Variants in MCC observed in about 807,000 individuals in gnomAD.
MCC encodes colorectal mutant cancer protein.
MCC carries 90 observed loss-of-function variants against 116.2 expected under a neutral mutation model. The observed-to-expected ratio is 0.77, with a 90% CI of 0.65 to 0.92. MCC has a LOEUF of 0.92. Ranked by LOEUF, MCC falls within the 40% of genes least tolerant of loss-of-function variation. The pLI is 0.00. For missense variants in MCC, 1,516 were observed against 1,312.2 expected (o/e 1.16, Z -2.40); for synonymous variants, 578 against 510.5 (o/e 1.13, Z -1.78).
intron 17 of MCC, among the ~76,000 whole-genome samples, chr5:113,035,451 C>T (rs1222982969): frequency 1.3e-5 from 2 of 152,240 alleles, no homozygotes; most frequent in African/African-American, 4.8e-5. Context: ...GGTAACATTT[C>T]ACATGACAGA....
intron 3 of MCC, among the ~76,000 whole-genome samples, chr5:113,156,187 G>C (rs1482167060): frequency 2.0e-5 from 3 of 152,196 alleles, no homozygotes; most frequent in Non-Finnish European, 4.4e-5. Flanking sequence ...ATAAACCTCT[G>C]TTATACAAAG....
intron 3 of MCC, among the ~76,000 whole-genome samples, chr5:113,283,524 A>T (rs892514057): frequency 2.0e-5 from 3 of 152,220 alleles, no homozygotes; most frequent in African/African-American, 4.8e-5. Context: ...AAAAATTTTT[A>T]AAAAGAAACG....
chr5:113,036,184 C>A (rs1435249437), intron 17 of MCC, among the ~76,000 whole-genome samples: 1 of 151,924 alleles, frequency 6.6e-6, no homozygotes, highest in Admixed American at 6.6e-5. Context: ...ATTATAGGCA[C>A]CTGTCACCAT....
rs912111123 is a variant in MCC, at chr5:113,085,265, G to C, written c.1444C>G (p.Pro482Ala). The change falls in exon 9 of 19, where the codon CCC becomes GCC. Residue 482 changes from proline (P) to alanine (A), a missense_variant. Pro to Ala is a conservative substitution (Grantham distance 27, BLOSUM62 -1). Coordinates refer to ENST00000408903, the MANE Select transcript of MCC (RefSeq NM_001085377.2). ...TRLQSVQATGPSSPGRLTSTN... is the reference protein window; with the variant it reads ...TRLQSVQATGASSPGRLTSTN... ...GAAGTGAGGCGGCCAGGGCTGGAGG[G>C]ACCTGTGGCCTGCACGCTCTGTAGT... 1 of 1,614,142 alleles carries C rather than the reference G, an allele frequency of 6.2e-7. No homozygotes were observed. Among genetic ancestry groups the C allele is most frequent in the Middle Eastern group, 1.6e-4 (1 of 6,062 alleles).
chr5:113,307,058 T>G (rs1767002817), intron 3 of MCC, among the ~76,000 whole-genome samples: 1 of 152,202 alleles, frequency 6.6e-6, no homozygotes, highest in African/African-American at 2.4e-5. Context: ...TTATTGGAGT[T>G]TCATACAAAG....
chr5:113,445,486 A>G (rs1771183462), intron 1 of MCC, among the ~76,000 whole-genome samples: 2 of 152,180 alleles, frequency 1.3e-5, no homozygotes, highest in African/African-American at 4.8e-5. Flanking sequence ...TCAAGAACAC[A>G]ATCCCATTTA....
chr5:113,315,050 TC>T (rs1767244958), intron 3 of MCC, among the ~76,000 whole-genome samples: 1 of 152,240 alleles, frequency 6.6e-6, no homozygotes, highest in African/African-American at 2.4e-5. Flanking sequence ...TTGCTCTCCA[TC>T]AGTAAATAAG....
chr5:113,312,700 G>A (rs750485731), intron 3 of MCC, among the ~76,000 whole-genome samples: 20 of 152,220 alleles, frequency 1.3e-4, no homozygotes, highest in Non-Finnish European at 2.5e-4. Context: ...TTTTAAGATG[G>A]ATACAAGTTA....
chr5:113,230,333 G>C (rs1763896497), intron 3 of MCC, among the ~76,000 whole-genome samples: 2 of 152,120 alleles, frequency 1.3e-5, no homozygotes, highest in African/African-American at 4.8e-5. Context: ...TACAATTTTA[G>C]ATAACAGAGG....
At chr5:113,302,763 G>A (rs935505714) in intron 3 of MCC, among the ~76,000 whole-genome samples, 1 of 152,144 alleles carries the variant, frequency 6.6e-6, no homozygotes, top group South Asian at 2.1e-4. Flanking sequence ...CATGCTACTC[G>A]CTGTCCAAGT....
rs556382000 is a variant in MCC at position 113,110,469 on chromosome 5, C to A, written c.1028-6114G>T. On this transcript the variant is annotated intron_variant, in intron 6 of 18. Coordinates refer to ENST00000408903, the MANE Select transcript of MCC (RefSeq NM_001085377.2). Reference sequence around the variant, plus strand: ...CAGACGCTAGAAGGATTTAGGTACACGGTACTTCATACGTGGTGTGAAGTG... The same window carrying A: ...CAGACGCTAGAAGGATTTAGGTACAAGGTACTTCATACGTGGTGTGAAGTG... Among the ~76,000 whole-genome samples the A allele has an allele frequency of 2.0e-5, 3 of 152,350 alleles. No homozygotes were observed. In the East Asian group the frequency reaches 5.8e-4, roughly 29 times the overall value.
chr5:113,104,084 A>C, intron 7 of MCC, 108 bp downstream of exon 7: 1 of 1,150,538 alleles, frequency 8.7e-7, no homozygotes, highest in Non-Finnish European at 1.2e-6. Context: ...CTCTCATGGA[A>C]ACATTCATCC....
At chr5:113,420,043 A>T (rs1770282899) in intron 1 of MCC, among the ~76,000 whole-genome samples, 1 of 151,340 alleles carries the variant, frequency 6.6e-6, no homozygotes, top group Admixed American at 6.6e-5. Flanking sequence ...AATAAAAATA[A>T]AAATAAAAAA....
At chr5:113,446,197 T>C (rs1771214384) in intron 1 of MCC, among the ~76,000 whole-genome samples, 1 of 152,088 alleles carries the variant, frequency 6.6e-6, no homozygotes. Flanking sequence ...CCTTGGGAAA[T>C]AATTTACAAC....
intron 1 of MCC, among the ~76,000 whole-genome samples, chr5:113,413,756 T>C (rs1192840824): frequency 6.6e-6 from 1 of 152,224 alleles, no homozygotes; most frequent in East Asian, 1.9e-4. Flanking sequence ...AGGGTTTTTT[T>C]GTGTCTCTAT....
chr5:113,156,770 G>C (rs535993523), intron 3 of MCC, among the ~76,000 whole-genome samples: 1 of 152,192 alleles, frequency 6.6e-6, no homozygotes, highest in Non-Finnish European at 1.5e-5. Context: ...TTTGAGCCCT[G>C]CTTCACATTC....
intron 2 of MCC, among the ~76,000 whole-genome samples, chr5:113,356,317 T>C (rs989634692): frequency 6.7e-6 from 1 of 150,172 alleles, no homozygotes; most frequent in Non-Finnish European, 1.5e-5. Context: ...GAGATATATA[T>C]AGCATTTATA....
chr5:113,045,993 G>A (rs1752046124), intron 16 of MCC, among the ~76,000 whole-genome samples: 1 of 151,918 alleles, frequency 6.6e-6, no homozygotes, highest in African/African-American at 2.4e-5. Flanking sequence ...CCCTTCTCTA[G>A]ATGCTCGCCT....
At chr5:113,152,831 G>A (rs1049677266) in intron 3 of MCC, among the ~76,000 whole-genome samples, 3 of 150,000 alleles carry the variant, frequency 2.0e-5, no homozygotes, top group Admixed American at 2.0e-4. Flanking sequence ...TTGAAATCAG[G>A]AATGCTTAAA....
Sources: gnomAD v4.1 joint callset for allele counts (sites outside exome capture counted in the v4.1 genomes callset) on GRCh38, gnomAD v4.1.1 for gene constraint, MANE v1.5 for transcripts, NCBI Gene and HGNC (gene_info 2026-07-23, HGNC 2026-07-21) for gene names.